The following DSCAM variants were observed in gnomAD, a reference collection of about 807,000 sequenced individuals.
DSCAM encodes DS cell adhesion molecule, also known as cell adhesion molecule DSCAM.
Under a neutral mutation model 217.7 loss-of-function variants are expected in DSCAM, and 47 were observed. The ratio of observed to expected loss-of-function variants is 0.22; its 90% CI spans 0.17 to 0.28. The LOEUF (loss-of-function observed/expected upper bound fraction) is 0.28. Among genes scored for constraint, DSCAM ranks in the 10% least tolerant of loss-of-function variants. The probability of loss-of-function intolerance (pLI) is 1.00; values close to 1 mark genes in which losing one functional copy is unlikely to be tolerated. For missense variants in DSCAM, 2,080 were observed against 2,618.3 expected (o/e 0.79, Z 4.49); for synonymous variants, 1,056 against 1,015.3 (o/e 1.04, Z -0.76).
At chr21:40,199,991 G>A (rs1375485652) in intron 11 of DSCAM, among the ~76,000 whole-genome samples, 2 of 148,832 alleles carry the variant, frequency 1.3e-5, no homozygotes, top group Non-Finnish European at 3.0e-5. Flanking sequence ...CCCAGTCACA[G>A]CGAATACTTG....
intron 16 of DSCAM, among the ~76,000 whole-genome samples, chr21:40,150,799 G>C (rs564362299): frequency 6.6e-6 from 1 of 152,314 alleles, no homozygotes; most frequent in East Asian, 1.9e-4. Flanking sequence ...CTGGGGTATA[G>C]AGAATATATC....
intron 8 of DSCAM, among the ~76,000 whole-genome samples, chr21:40,317,773 T>C (rs998929164): frequency 6.6e-6 from 1 of 152,318 alleles, no homozygotes; most frequent in Middle Eastern, 3.4e-3. Context: ...CCTCATGTGA[T>C]CCACCTGCCT....
At chr21:40,576,154 C>T (rs1341026038) in intron 3 of DSCAM, among the ~76,000 whole-genome samples, 2 of 152,184 alleles carry the variant, frequency 1.3e-5, no homozygotes, top group Non-Finnish European at 2.9e-5. Context: ...CAAAAATATT[C>T]ATACCAGCCT....
intron 1 of DSCAM, among the ~76,000 whole-genome samples, chr21:40,818,021 G>A (rs950997440): frequency 7.0e-6 from 1 of 142,768 alleles, no homozygotes; most frequent in Non-Finnish European, 1.5e-5. Flanking sequence ...GCGTGAACCC[G>A]GGAGGCGGAG....
At chr21:40,338,941 C>T (rs1315467957) in intron 7 of DSCAM, among the ~76,000 whole-genome samples, 178 bp downstream of exon 7, 2 of 152,176 alleles carry the variant, frequency 1.3e-5, no homozygotes, top group Non-Finnish European at 2.9e-5. Flanking sequence ...AACCAAAATG[C>T]CATTTCCAAC....
At chr21:40,071,519 A>T (rs1382533483) in intron 27 of DSCAM, among the ~76,000 whole-genome samples, 2 of 152,236 alleles carry the variant, frequency 1.3e-5, no homozygotes, top group Admixed American at 1.3e-4. Flanking sequence ...GTTTCTAGCA[A>T]TTGAAAAATG....
chr21:40,698,731 G>A lies in DSCAM; in HGVS notation c.362-5775C>T, dbSNP rs1003919418. On this transcript the variant is annotated intron_variant, in intron 2 of 32. Coordinates refer to ENST00000400454, the MANE Select transcript of DSCAM (RefSeq NM_001389.5). ...CTAAAAATACAAAAATTAGCCAGGCGTGGTGGCGCATGCCTGTAATCCCAG... is the reference window on the plus strand; with the variant it reads ...CTAAAAATACAAAAATTAGCCAGGCATGGTGGCGCATGCCTGTAATCCCAG... Among the ~76,000 whole-genome samples, 16 of 152,194 alleles carry A rather than the reference G, an allele frequency of 1.1e-4. 1 individual carries two copies. The highest frequency in any genetic ancestry group is 3.4e-4 in the African/African-American group (14 of 41,536).
At chr21:40,735,263 T>G (rs2091051609) in intron 1 of DSCAM, among the ~76,000 whole-genome samples, 1 of 152,216 alleles carries the variant, frequency 6.6e-6, no homozygotes, top group Non-Finnish European at 1.5e-5. Flanking sequence ...TGACTATTTG[T>G]GTTTACTGAA....
intron 3 of DSCAM, among the ~76,000 whole-genome samples, chr21:40,634,971 G>C (rs1224552755): frequency 6.6e-6 from 1 of 152,146 alleles, no homozygotes; most frequent in Non-Finnish European, 1.5e-5. Flanking sequence ...GCTCCCACTG[G>C]AATATAAGTT....
At chr21:40,591,197 T>C (rs994071643) in intron 3 of DSCAM, among the ~76,000 whole-genome samples, 2 of 152,356 alleles carry the variant, frequency 1.3e-5, no homozygotes, top group Middle Eastern at 6.8e-3. Flanking sequence ...CCTTCCATCA[T>C]GATTGTAAGT....
chr21:40,025,885 G>C (rs900454514), intron 32 of DSCAM, among the ~76,000 whole-genome samples: 2 of 150,398 alleles, frequency 1.3e-5, no homozygotes, highest in African/African-American at 2.5e-5. Context: ...GTTCTACTCT[G>C]ATTTTAGTTA....
chr21:40,827,305 C>CA (rs1432753631), intron 1 of DSCAM, among the ~76,000 whole-genome samples: 6 of 151,486 alleles, frequency 4.0e-5, no homozygotes, highest in African/African-American at 1.2e-4. Context: ...CCCATCTCTG[C>CA]AAAAAAATTA....
intron 11 of DSCAM, among the ~76,000 whole-genome samples, chr21:40,248,606 G>T (rs13052099): frequency 2.6e-5 from 4 of 151,962 alleles, no homozygotes; most frequent in African/African-American, 9.7e-5. Context: ...TCAGCATTTT[G>T]GGCAAAGCCA....
chr21:40,045,886 C>T (rs1049660549), intron 30 of DSCAM, among the ~76,000 whole-genome samples: 1 of 152,098 alleles, frequency 6.6e-6, no homozygotes, highest in Non-Finnish European at 1.5e-5. Context: ...CAATGGTATC[C>T]CTCTGTGGAT....
chr21:40,297,042 G>C (rs2073962934), intron 9 of DSCAM, among the ~76,000 whole-genome samples: 1 of 152,050 alleles, frequency 6.6e-6, no homozygotes, highest in Admixed American at 6.6e-5. Context: ...CAAAATTCTG[G>C]TGAGAACACA....
intron 3 of DSCAM, among the ~76,000 whole-genome samples, chr21:40,536,998 T>G (rs2076504814): frequency 6.6e-6 from 1 of 152,140 alleles, no homozygotes; most frequent in South Asian, 2.1e-4. Flanking sequence ...AACACCTAAC[T>G]TATTCCAAAC....
At chr21:40,663,167 AGT>A (rs749799028) in intron 3 of DSCAM, among the ~76,000 whole-genome samples, 1 of 142,404 alleles carries the variant, frequency 7.0e-6, no homozygotes, top group Non-Finnish European at 1.5e-5. Context: ...TATGTATGTC[AGT>A]GTGTGTGGTG....
intron 3 of DSCAM, among the ~76,000 whole-genome samples, chr21:40,681,205 G>A (rs191454986): frequency 3.3e-5 from 5 of 152,336 alleles, no homozygotes; most frequent in East Asian, 3.9e-4. Flanking sequence ...CCAATAAACC[G>A]TGGCACCCGA....
At chr21:40,519,626 C>A (rs1311567003) in intron 3 of DSCAM, among the ~76,000 whole-genome samples, 1 of 152,118 alleles carries the variant, frequency 6.6e-6, no homozygotes, top group Non-Finnish European at 1.5e-5. Flanking sequence ...GAAGAAATTT[C>A]TATTGTTTAC....
Sources: gnomAD v4.1 joint callset for allele counts (sites outside exome capture counted in the v4.1 genomes callset) on GRCh38, gnomAD v4.1.1 for gene constraint, MANE v1.5 for transcripts, NCBI Gene and HGNC (gene_info 2026-07-23, HGNC 2026-07-21) for gene names.